SLC22A5: variants seen among roughly 807,000 people sequenced by gnomAD.
The protein encoded by SLC22A5 is organic cation/carnitine transporter 2.
SLC22A5 carries 44 observed loss-of-function variants against 56.7 expected under a neutral mutation model. That is an observed-to-expected ratio of 0.78 (90% CI 0.61 to 1.00). SLC22A5 has a LOEUF of 1.00. Ranked by LOEUF, SLC22A5 falls within the 50% of genes least tolerant of loss-of-function variation. The pLI is 0.00. For missense variants in SLC22A5, 675 were observed against 723.0 expected, an observed-to-expected ratio of 0.93 and a Z score of 0.76; for synonymous variants, 278 against 292.1, an observed-to-expected ratio of 0.95 and a Z score of 0.49.
chr5:132,374,308 C>G (rs1329156967), intron 1 of SLC22A5, among the ~76,000 whole-genome samples: 1 of 152,196 alleles, frequency 6.6e-6, no homozygotes, highest in African/African-American at 2.4e-5. Context: ...GCCCTCGGCC[C>G]AGTCCTGGGT....
chr5:132,392,556 G>A lies in SLC22A5; in HGVS notation c.1391G>A (p.Gly464Glu), dbSNP rs1752740146. The A allele has an allele frequency of 1.2e-6, 2 of 1,614,206 alleles. No individual in the cohort carries two copies. The highest frequency in any genetic ancestry group is 2.2e-5 in the South Asian group (2 of 91,086). ...ACAGTGGTGAGAAACATGGGTGTGGGAGTCAGCTCCACAGCATCCCGCCTG... is the reference window on the plus strand; with the variant it reads ...ACAGTGGTGAGAAACATGGGTGTGGAAGTCAGCTCCACAGCATCCCGCCTG... ...YPTVVRNMGV[G>E]VSSTASRLGS... The change falls in exon 8 of 10, where the codon GGA becomes GAA. Residue 464 changes from glycine to glutamate, a missense_variant. Physicochemically the swap from Gly to Glu is moderately conservative, Grantham distance 98 (BLOSUM62 -2). Transcript: ENST00000245407.
rs1429160208 is a variant in SLC22A5, at chr5:132,394,251, C to T, written c.1653C>T (p.Ile551=). The T allele has an allele frequency of 1.2e-6, 2 of 1,612,112 alleles. No homozygotes were observed. Among genetic ancestry groups the T allele is most frequent in the African/African-American group, 1.3e-5 (1 of 75,010 alleles). ...MLKDGQERPT[I]LKSTAF is the part of the protein sequence containing the mutation. ...AAGATGGTCAAGAAAGGCCCACAAT[C>T]CTTAAAAGCACAGCCTTCTAACATC... The change falls in exon 10 of 10, where the codon ATC becomes ATT. Residue 551 remains isoleucine, a synonymous_variant. Coordinates refer to ENST00000245407, the MANE Select transcript of SLC22A5 (RefSeq NM_003060.4).
Position 132,394,184 on chromosome 5 carries a change from G to C in SLC22A5, c.1587-1G>C, listed in dbSNP as rs766398620. ...TGACATATTTTTGCTTGTTTTTATA[G>C]AATGAAACACAGAAAAACTCCAAGT... On this transcript the variant is annotated splice_acceptor_variant, in intron 9 of 9. Transcript: ENST00000245407. LOFTEE classifies it high-confidence loss of function. 12 of 1,607,446 alleles carry C rather than the reference G, an allele frequency of 7.5e-6. No homozygotes were observed. The highest frequency in any genetic ancestry group is 8.5e-6 in the Non-Finnish European group (10 of 1,173,950).
chr5:132,380,998 T>A (rs993598197), intron 2 of SLC22A5: 1 of 152,108 alleles, frequency 6.6e-6, no homozygotes, highest in Non-Finnish European at 1.5e-5. Flanking sequence ...TGAGTGGACA[T>A]GGGAGATTCC....
chr5:132,391,391 A>C (rs1479336532), intron 7 of SLC22A5, among the ~76,000 whole-genome samples: 1 of 152,242 alleles, frequency 6.6e-6, no homozygotes, highest in Non-Finnish European at 1.5e-5. Context: ...AAAATGCTTA[A>C]TATAGTTCAG....
chr5:132,394,239 A>G lies in SLC22A5; in HGVS notation c.1641A>G (p.Glu547=). The change falls in exon 10 of 10, where the codon GAA becomes GAG. Residue 547 remains glutamate, a synonymous_variant. Transcript: ENST00000245407. Reference sequence around the variant, plus strand: ...CAAGGATGTTAAAAGATGGTCAAGAAAGGCCCACAATCCTTAAAAGCACAG... The same window carrying G: ...CAAGGATGTTAAAAGATGGTCAAGAGAGGCCCACAATCCTTAAAAGCACAG... The part of the protein sequence containing the change: ...SHTRMLKDGQ[E]RPTILKSTAF The G allele has an allele frequency of 1.9e-6, 3 of 1,613,588 alleles. No individual in the cohort carries two copies. Among genetic ancestry groups the G allele is most frequent in the Non-Finnish European group, 2.5e-6 (3 of 1,179,410 alleles).
intron 2 of SLC22A5, 30 bp from the exon 3 acceptor site, chr5:132,384,116 TG>T (rs757923121): frequency 1.2e-6 from 2 of 1,613,536 alleles, no homozygotes; most frequent in South Asian, 2.2e-5. Flanking sequence ...CTTTTCCAGC[TG>T]GTTATCTGTC....
At chr5:132,383,232 T>G (rs1353711585) in intron 2 of SLC22A5, 1 of 152,216 alleles carries the variant, frequency 6.6e-6, no homozygotes. Context: ...TCCTTGTGAG[T>G]TTTTTTAGTT....
chr5:132,387,134 A>G lies in SLC22A5; in HGVS notation c.934A>G (p.Ile312Val), dbSNP rs77300588. The G allele has an allele frequency of 1.5e-3, 2,390 of 1,614,112 alleles. 3 individuals carry two copies. The highest frequency in any genetic ancestry group is 1.9e-3 in the Non-Finnish European group (2,226 of 1,179,992). The change falls in exon 5 of 10, where the codon ATC becomes GTC. Residue 312 changes from isoleucine (I) to valine (V), a missense_variant. Transcript: ENST00000245407. Reference protein sequence around the residue: ...KANGIVVPSTIFDPSELQDLS... With the variant: ...KANGIVVPSTVFDPSELQDLS... ...CAATGGGATTGTTGTGCCTTCCACT[A>G]TCTTTGACCCGAGTGAGGTAAGCAC...
In SLC22A5 at chr5:132,392,545, C is replaced by T. The variant is rs149521997; in HGVS notation, c.1380C>T (p.Asn460=). ...TAELYPTVVR[N]MGVGVSSTAS... ...AGCTGTATCCCACAGTGGTGAGAAA[C>T]ATGGGTGTGGGAGTCAGCTCCACAG... is the stretch of plus-strand genomic sequence containing the variant. The change falls in exon 8 of 10, where the codon AAC becomes AAT. Residue 460 remains asparagine (N), a synonymous_variant. Coordinates refer to ENST00000245407, the MANE Select transcript of SLC22A5 (RefSeq NM_003060.4). 1,034 of 1,614,182 alleles carry T rather than the reference C, an allele frequency of 6.4e-4. 5 individuals carry two copies. Among genetic ancestry groups the T allele is most frequent in the Admixed American group, 9.2e-4 (55 of 60,026 alleles).
chr5:132,385,200 C>G (rs1752479540), intron 3 of SLC22A5, 128 bp from the exon 4 acceptor site: 1 of 886,062 alleles, frequency 1.1e-6, no homozygotes, highest in Non-Finnish European at 1.9e-6. Context: ...CATCCGCTCC[C>G]TAGCGCCATG....
At chr5:132,392,317 A>G in intron 7 of SLC22A5, 116 bp from the exon 8 acceptor site, 1 of 882,446 alleles carries the variant, frequency 1.1e-6, no homozygotes, top group South Asian at 1.3e-5. Context: ...CACAATAGGA[A>G]GTGATAGAAA....
intron 8 of SLC22A5, among the ~76,000 whole-genome samples, chr5:132,393,135 A>G (rs1020925726): frequency 4.7e-5 from 1 of 21,384 alleles, no homozygotes. Context: ...ATGTCTTCAT[A>G]GCACCTGTGG....
Position 132,370,137 on chromosome 5 carries a change from C to T in SLC22A5, c.165C>T (p.Ala55=). 1 of 1,610,174 alleles carries T rather than the reference C, an allele frequency of 6.2e-7. No individual in the cohort carries two copies. The highest frequency in any genetic ancestry group is 1.1e-5 in the South Asian group (1 of 90,802). The stretch of plus-strand genomic sequence containing the variant: ...AGCACCGCTGCCGGGTGCCGGACGC[C>T]GCGAACCTGAGCAGCGCCTGGCGCA... ...TPEHRCRVPD[A]ANLSSAWRNH... The change falls in exon 1 of 10, where the codon GCC becomes GCT. Residue 55 remains alanine, a synonymous_variant. Transcript: ENST00000245407.
intron 5 of SLC22A5, 121 bp from the exon 6 acceptor site, chr5:132,388,800 G>GT (rs1752612588): frequency 1.3e-6 from 1 of 751,720 alleles, no homozygotes; most frequent in Non-Finnish European, 2.4e-6. Context: ...TCTTAGAAAC[G>GT]TAACACTCCC....
intron 1 of SLC22A5, among the ~76,000 whole-genome samples, chr5:132,374,227 A>T (rs1580873378): frequency 6.6e-6 from 1 of 151,780 alleles, no homozygotes; most frequent in African/African-American, 2.4e-5. Flanking sequence ...CTCAAAAAAA[A>T]AAAAGAAAAA....
chr5:132,372,424 T>C (rs1580871345), intron 1 of SLC22A5, among the ~76,000 whole-genome samples: 1 of 152,184 alleles, frequency 6.6e-6, no homozygotes, highest in East Asian at 1.9e-4. Flanking sequence ...AGTTTTACAT[T>C]GACCCCTGAG....
At chr5:132,380,354 G>GT (rs1752306902) in intron 2 of SLC22A5, 2 of 152,296 alleles carry the variant, frequency 1.3e-5, no homozygotes, top group Admixed American at 1.3e-4. Context: ...GTGGATCACA[G>GT]TTAGGACTTT....
At chr5:132,372,407 C>T (rs1446494988) in intron 1 of SLC22A5, among the ~76,000 whole-genome samples, 1 of 152,142 alleles carries the variant, frequency 6.6e-6, no homozygotes, top group African/African-American at 2.4e-5. Context: ...CACATGGCAT[C>T]TCTTGGAGTT....
Sources: allele counts gnomAD v4.1 joint callset (sites outside exome capture counted in the v4.1 genomes callset), GRCh38; gene constraint gnomAD v4.1.1; transcripts MANE v1.5; gene names NCBI Gene and HGNC (gene_info 2026-07-23, HGNC 2026-07-21).